FOXO3: variants seen among roughly 807,000 people sequenced by gnomAD.
The protein encoded by FOXO3 is forkhead box protein O3.
A neutral mutation model predicts 41.9 loss-of-function variants in FOXO3; 4 were observed. The observed-to-expected ratio is 0.10, with a 90% confidence interval of 0.05 to 0.22. The LOEUF (loss-of-function observed/expected upper bound fraction) is 0.22, where lower values mean the gene tolerates loss of function less well. FOXO3 is among the 10% of genes least tolerant of loss of function. The probability of loss-of-function intolerance (pLI) is 1.00; values close to 1 mark genes in which losing one functional copy is unlikely to be tolerated. For synonymous variants in FOXO3, 318 were observed against 389.3 expected (o/e 0.82, Z 2.16); for missense variants, 534 against 906.8 (o/e 0.59, Z 5.28).
intron 1 of FOXO3, among the ~76,000 whole-genome samples, chr6:108,593,091 C>T (rs918361069): frequency 6.6e-6 from 1 of 152,144 alleles, no homozygotes; most frequent in Admixed American, 6.5e-5. Flanking sequence ...CAGTGTTAGC[C>T]TGTAAGAAAG....
chr6:108,613,573 A>G (rs922626703), intron 1 of FOXO3, among the ~76,000 whole-genome samples: 2 of 152,018 alleles, frequency 1.3e-5, no homozygotes, highest in Admixed American at 1.3e-4. Flanking sequence ...ATCTGTAGTG[A>G]TTTCATTTTC....
At chr6:108,672,484 T>C (rs1779242438) in intron 2 of FOXO3, among the ~76,000 whole-genome samples, 1 of 152,228 alleles carries the variant, frequency 6.6e-6, no homozygotes, top group Non-Finnish European at 1.5e-5. Flanking sequence ...GATGCAGGTC[T>C]TTTGTGTCTT....
chr6:108,580,570 A>G (rs970490076), intron 1 of FOXO3, among the ~76,000 whole-genome samples: 1 of 152,216 alleles, frequency 6.6e-6, no homozygotes, highest in African/African-American at 2.4e-5. Flanking sequence ...GGTAAGTGAT[A>G]GAAGTGGGAC....
chr6:108,569,143 C>A (rs1375540580), intron 1 of FOXO3, among the ~76,000 whole-genome samples: 1 of 152,148 alleles, frequency 6.6e-6, no homozygotes, highest in Admixed American at 6.6e-5. Context: ...AGTTTTCTGT[C>A]CATGGATTGG....
chr6:108,663,328 C>G, intron 1 of FOXO3, 127 bp from the exon 2 acceptor site: 1 of 1,382,120 alleles, frequency 7.2e-7, no homozygotes, highest in South Asian at 1.6e-5. Context: ...GCATGGGCAG[C>G]AGAGTGAGAC....
intron 2 of FOXO3, among the ~76,000 whole-genome samples, chr6:108,665,714 C>T (rs1190435126): frequency 6.7e-6 from 1 of 150,226 alleles, no homozygotes; most frequent in East Asian, 2.0e-4. Context: ...CCCTGCTTCT[C>T]AGGAGAATCC....
At position 108,663,931 on chromosome 6, in the gene FOXO3, G is replaced by T. The variant is rs1778962139; in HGVS notation, c.1098G>T (p.Leu366=). The T allele has an allele frequency of 6.2e-7, 1 of 1,614,100 alleles. No homozygotes were observed. ...PSVSKPCTVE[L]PRLTDMAGTM... is the part of the protein sequence containing the mutation. Reference sequence around the variant, plus strand: ...TAAGCAAGCCGTGCACGGTGGAACTGCCACGGCTGACTGATATGGCAGGCA... The same window carrying T: ...TAAGCAAGCCGTGCACGGTGGAACTTCCACGGCTGACTGATATGGCAGGCA... The change falls in exon 2 of 3, where the codon CTG becomes CTT. Residue 366 remains leucine, a synonymous_variant. Transcript: ENST00000406360.
At chr6:108,659,600 T>C (rs1195560347) in intron 1 of FOXO3, among the ~76,000 whole-genome samples, 1 of 152,126 alleles carries the variant, frequency 6.6e-6, no homozygotes, top group African/African-American at 2.4e-5. Context: ...TCTAAAACAC[T>C]CTGGCTCAGT....
intron 1 of FOXO3, among the ~76,000 whole-genome samples, chr6:108,589,419 C>T (rs147888932): frequency 6.6e-6 from 1 of 152,210 alleles, no homozygotes; most frequent in African/African-American, 2.4e-5. Context: ...TGGGGACATT[C>T]AGTACTAAGA....
intron 1 of FOXO3, among the ~76,000 whole-genome samples, chr6:108,593,715 T>C (rs552868995): frequency 1.4e-3 from 193 of 133,288 alleles, no homozygotes; most frequent in South Asian, 4.4e-3. Flanking sequence ...TCTTCTTCTT[T>C]TTTTTTTTTT....
chr6:108,612,562 C>G (rs917649397), intron 1 of FOXO3, among the ~76,000 whole-genome samples: 17 of 151,952 alleles, frequency 1.1e-4, no homozygotes, highest in African/African-American at 4.1e-4. Context: ...CACCTGTAAT[C>G]CCGGCTACTC....
At chr6:108,581,438 G>A (rs1415925972) in intron 1 of FOXO3, among the ~76,000 whole-genome samples, 1 of 152,120 alleles carries the variant, frequency 6.6e-6, no homozygotes, top group Non-Finnish European at 1.5e-5. Flanking sequence ...GAAGAGTTAA[G>A]CCGTTACAAA....
chr6:108,661,242 G>C, intron 1 of FOXO3, among the ~76,000 whole-genome samples: 1 of 152,006 alleles, frequency 6.6e-6, no homozygotes, highest in Middle Eastern at 3.4e-3. Context: ...ACTCTGTCTC[G>C]GGCGGCGGGG....
At chr6:108,574,895 A>T (rs1456931139) in intron 1 of FOXO3, among the ~76,000 whole-genome samples, 2 of 152,228 alleles carry the variant, frequency 1.3e-5, no homozygotes, top group Non-Finnish European at 2.9e-5. Context: ...TAGTGTCTGG[A>T]TAATGTCCAG....
At chr6:108,642,014 A>G (rs1224165774) in intron 1 of FOXO3, among the ~76,000 whole-genome samples, 1 of 152,054 alleles carries the variant, frequency 6.6e-6, no homozygotes, top group Non-Finnish European at 1.5e-5. Context: ...AGCACAAAGC[A>G]TTAATTCAAA....
At chr6:108,563,106 G>C (rs973696503) in intron 1 of FOXO3, among the ~76,000 whole-genome samples, 2 of 152,060 alleles carry the variant, frequency 1.3e-5, no homozygotes, top group African/African-American at 4.8e-5. Context: ...ATAAAAATAA[G>C]AACAGTTTAA....
chr6:108,588,791 A>G (rs552050950), intron 1 of FOXO3, among the ~76,000 whole-genome samples: 1 of 152,222 alleles, frequency 6.6e-6, no homozygotes, highest in East Asian at 1.9e-4. Context: ...CCAAGCCTCA[A>G]CAGGATGCTA....
At chr6:108,604,629 A>G (rs1562241476) in intron 1 of FOXO3, among the ~76,000 whole-genome samples, 1 of 152,204 alleles carries the variant, frequency 6.6e-6, no homozygotes, top group East Asian at 1.9e-4. Flanking sequence ...CTAGAACTGA[A>G]TTTGAACAAC....
chr6:108,676,077 A>T (rs1307295443), intron 2 of FOXO3, among the ~76,000 whole-genome samples: 1 of 152,196 alleles, frequency 6.6e-6, no homozygotes, highest in Non-Finnish European at 1.5e-5. Context: ...AGACCAGATG[A>T]CAGCATCCGT....
Sources: gnomAD v4.1 joint callset for allele counts (sites outside exome capture counted in the v4.1 genomes callset) on GRCh38, gnomAD v4.1.1 for gene constraint, MANE v1.5 for transcripts, NCBI Gene and HGNC (gene_info 2026-07-23, HGNC 2026-07-21) for gene names.